LGR6: variants seen among roughly 807,000 people sequenced by gnomAD.
The protein encoded by LGR6 is leucine-rich repeat-containing G protein-coupled receptor 6.
In LGR6, 45 loss-of-function variants were observed where a neutral mutation model predicts 69.4. The ratio of observed to expected loss-of-function variants is 0.65; its 90% CI spans 0.51 to 0.83. The LOEUF (loss-of-function observed/expected upper bound fraction) is 0.83. Ranked by LOEUF, LGR6 falls within the 40% of genes least tolerant of loss-of-function variation. The probability of loss-of-function intolerance (pLI) is 0.00; values close to 1 mark genes in which losing one functional copy is unlikely to be tolerated. For missense variants in LGR6, 1,108 were observed against 1,246.7 expected (o/e 0.89, Z 1.68); for synonymous variants, 538 against 555.0 (o/e 0.97, Z 0.43).
chr1:202,212,724 G>A (rs1000900459), intron 1 of LGR6, among the ~76,000 whole-genome samples: 2 of 152,156 alleles, frequency 1.3e-5, no homozygotes, highest in African/African-American at 4.8e-5. Context: ...CTCTTACTTA[G>A]CTACATCTGC....
intron 2 of LGR6, 47 bp downstream of exon 2, chr1:202,225,541 A>G: frequency 2.6e-6 from 4 of 1,537,844 alleles, no homozygotes; most frequent in Non-Finnish European, 3.6e-6. Flanking sequence ...GGCTCTGTCT[A>G]ATATCTCTGG....
chr1:202,208,782 C>T (rs915097412), intron 1 of LGR6, among the ~76,000 whole-genome samples: 1 of 152,124 alleles, frequency 6.6e-6, no homozygotes. Context: ...CATGGGGGCG[C>T]AAAGGCACCA....
intron 4 of LGR6, among the ~76,000 whole-genome samples, chr1:202,255,491 G>A (rs918208445): frequency 2.6e-5 from 4 of 152,016 alleles, no homozygotes; most frequent in East Asian, 1.9e-4. Context: ...CCTCCCCAGC[G>A]CCCTTCCCCG....
intron 6 of LGR6, among the ~76,000 whole-genome samples, chr1:202,291,694 T>C (rs1457123373): frequency 6.6e-6 from 1 of 152,204 alleles, no homozygotes; most frequent in Non-Finnish European, 1.5e-5. Context: ...CTTCTAATAC[T>C]AGCTGTGGAA....
At chr1:202,285,646 TC>T (rs1399730900) in intron 6 of LGR6, among the ~76,000 whole-genome samples, 1 of 152,210 alleles carries the variant, frequency 6.6e-6, no homozygotes, top group African/African-American at 2.4e-5. Context: ...ATGGAATGTG[TC>T]CTAAGGTGGC....
intron 1 of LGR6, among the ~76,000 whole-genome samples, chr1:202,199,815 G>T (rs1161176027): frequency 6.6e-6 from 1 of 152,204 alleles, no homozygotes; most frequent in South Asian, 2.1e-4. Context: ...TCTTTAAAAT[G>T]GAAACACTAA....
intron 6 of LGR6, among the ~76,000 whole-genome samples, chr1:202,287,562 A>T (rs1666481809): frequency 6.6e-6 from 1 of 152,086 alleles, no homozygotes; most frequent in African/African-American, 2.4e-5. Flanking sequence ...TGCTCACTGG[A>T]TATCTAACAA....
intron 1 of LGR6, among the ~76,000 whole-genome samples, chr1:202,203,051 C>T (rs1257943454): frequency 6.6e-6 from 1 of 152,164 alleles, no homozygotes; most frequent in Non-Finnish European, 1.5e-5. Context: ...CCATGTAGCA[C>T]CCCCAGCTCA....
chr1:202,303,275 C>T lies in LGR6; in HGVS notation c.930-4C>T, dbSNP rs1667740836. 6.2e-7 allele frequency: 1 copy of T among 1,611,936 alleles called. No individual in the cohort carries two copies. ...CCCTCAGAGCTCATTGTCTCTATTT[C>T]CAGATCTCTGAATGGTGCCATGGAC... On this transcript the variant is annotated splice_region_variant and splice_polypyrimidine_tract_variant and intron_variant, in intron 9 of 17. Coordinates refer to ENST00000367278, the MANE Select transcript of LGR6 (RefSeq NM_001017403.2).
At chr1:202,234,734 C>T (rs1466345999) in intron 3 of LGR6, among the ~76,000 whole-genome samples, 2 of 152,206 alleles carry the variant, frequency 1.3e-5, no homozygotes, top group Non-Finnish European at 2.9e-5. Flanking sequence ...AGACCAGGAC[C>T]TGGCACATTA....
In LGR6 at chr1:202,319,041, A is replaced by G. The variant is rs1459823187; in HGVS notation, c.2738A>G (p.Glu913Gly). 6.2e-7 allele frequency: 1 copy of G among 1,614,104 alleles called. No individual in the cohort carries two copies. Among genetic ancestry groups the G allele is most frequent in the South Asian group, 1.1e-5 (1 of 91,082 alleles). The change falls in exon 18 of 18, where the codon GAG becomes GGG. Residue 913 changes from glutamate to glycine, a missense_variant. Coordinates refer to ENST00000367278, the MANE Select transcript of LGR6 (RefSeq NM_001017403.2). Reference sequence around the variant, plus strand: ...CAGCAGCCAGGGGCCCCCAGGCTGGAGGGCAGCCATTGTGTAGAGCCAGAG... The same window carrying G: ...CAGCAGCCAGGGGCCCCCAGGCTGGGGGGCAGCCATTGTGTAGAGCCAGAG... ...SCQQPGAPRL[E>G]GSHCVEPEGN...
At chr1:202,208,371 G>T (rs1174800200) in intron 1 of LGR6, among the ~76,000 whole-genome samples, 5 of 151,930 alleles carry the variant, frequency 3.3e-5, no homozygotes, top group Admixed American at 2.0e-4. Context: ...TATAAAGAAA[G>T]ATACAAAGAG....
At chr1:202,279,426 A>G (rs2993447) in intron 5 of LGR6, among the ~76,000 whole-genome samples, 65,916 of 151,952 alleles carry the variant, frequency 0.43, 16,121 homozygotes, top group East Asian at 0.7. Flanking sequence ...TTTGAACAAC[A>G]TCTTGGAGGC....
intron 2 of LGR6, among the ~76,000 whole-genome samples, chr1:202,225,969 C>G (rs1338642616): frequency 6.6e-6 from 1 of 152,160 alleles, no homozygotes; most frequent in Non-Finnish European, 1.5e-5. Flanking sequence ...ACTCTGCACA[C>G]CTTCAGGATG....
At chr1:202,312,669 A>G (rs1159137140) in intron 16 of LGR6, among the ~76,000 whole-genome samples, 1 of 152,200 alleles carries the variant, frequency 6.6e-6, no homozygotes, top group Non-Finnish European at 1.5e-5. Flanking sequence ...AAGATTGTAC[A>G]GTTACCTTTT....
In LGR6 at chr1:202,318,926, G is replaced by C. The variant is rs1654404197; in HGVS notation, c.2623G>C (p.Asp875His). 3.1e-6 allele frequency: 5 copies of C among 1,613,948 alleles called. No homozygotes were observed. Among genetic ancestry groups the C allele is most frequent in the Non-Finnish European group, 4.2e-6 (5 of 1,179,972 alleles). Residue 875 changes from aspartate (D) to histidine (H), a missense_variant, in exon 18 of 18, where the codon GAT (aspartate) becomes CAT (histidine). By Grantham distance (81) the Asp-to-His change is moderately conservative. Coordinates refer to ENST00000367278, the MANE Select transcript of LGR6 (RefSeq NM_001017403.2). ...DSTQALVAFS[D>H]VDLILEASEA... ...TACCCAGGCCCTGGTAGCCTTCTCT[G>C]ATGTGGATCTCATTCTGGAAGCTTC...
At chr1:202,276,825 C>T (rs1665600478) in intron 5 of LGR6, among the ~76,000 whole-genome samples, 1 of 152,160 alleles carries the variant, frequency 6.6e-6, no homozygotes, top group Admixed American at 6.5e-5. Flanking sequence ...AATAACTATA[C>T]CTTGATAACT....
chr1:202,306,158 C>T (rs1572008838), intron 12 of LGR6, among the ~76,000 whole-genome samples: 2 of 152,150 alleles, frequency 1.3e-5, no homozygotes, highest in South Asian at 2.1e-4. Flanking sequence ...CCTCTAAACA[C>T]GCACATGCAT....
intron 16 of LGR6, among the ~76,000 whole-genome samples, chr1:202,313,147 A>G (rs1373661640): frequency 6.6e-6 from 1 of 152,054 alleles, no homozygotes; most frequent in Non-Finnish European, 1.5e-5. Context: ...GAATGGCGTG[A>G]ACCCAGGAGG....
Sources: allele counts gnomAD v4.1 joint callset (sites outside exome capture counted in the v4.1 genomes callset), GRCh38; gene constraint gnomAD v4.1.1; transcripts MANE v1.5; gene names NCBI Gene and HGNC (gene_info 2026-07-23, HGNC 2026-07-21).